The following PRDM2 variants were observed in gnomAD, a reference collection of about 807,000 sequenced individuals.
PRDM2 encodes PR/SET domain 2.
Under a neutral mutation model 130.0 loss-of-function variants are expected in PRDM2, and 30 were observed. That is an observed-to-expected ratio of 0.23 (90% confidence interval 0.17 to 0.31). The LOEUF is 0.31. Among genes scored for constraint, PRDM2 ranks in the 10% least tolerant of loss-of-function variants. The pLI is 1.00. For synonymous variants in PRDM2, 871 were observed against 782.4 expected, an observed-to-expected ratio of 1.11 and a Z score of -1.89; for missense variants, 2,011 against 2,108.4, an observed-to-expected ratio of 0.95 and a Z score of 0.90.
Position 13,759,566 on chromosome 1 carries a change from TC to T in PRDM2, c.511+10080del, listed in dbSNP as rs756283016. Among the ~76,000 whole-genome samples the T allele has an allele frequency of 2.2e-3, 336 of 152,316 alleles. 1 individual carries two copies. Among genetic ancestry groups the T allele is most frequent in the Non-Finnish European group, 2.6e-3 (179 of 68,028 alleles). On this transcript the variant is annotated intron_variant, in intron 6 of 9. Transcript: ENST00000311066. Reference sequence around the variant, plus strand: ...GAGATTACTGGCCATAAGCAGAATGTCTAAGGGCCTGTGAGAAATGAGAGTT... The same window carrying T: ...GAGATTACTGGCCATAAGCAGAATGTTAAGGGCCTGTGAGAAATGAGAGTT...
intron 1 of PRDM2, among the ~76,000 whole-genome samples, chr1:13,714,318 T>C (rs1199083508): frequency 6.6e-6 from 1 of 152,006 alleles, no homozygotes; most frequent in Non-Finnish European, 1.5e-5. Context: ...GACTTCATGG[T>C]TTAACTTGCA....
Position 13,742,033 on chromosome 1 carries a change from G to A in PRDM2, c.260G>A (p.Cys87Tyr). 1.3e-6 allele frequency: 2 copies of A among 1,586,812 alleles called. No individual in the cohort carries two copies. Among genetic ancestry groups the A allele is most frequent in the Non-Finnish European group, 1.7e-6 (2 of 1,155,226 alleles). ...TATTACCCAAATTTGGGATGGATGTGCATTGATGCCACTGATCCAGAGAAG... is the reference window on the plus strand; with the variant it reads ...TATTACCCAAATTTGGGATGGATGTACATTGATGCCACTGATCCAGAGAAG... Reference protein sequence around the residue: ...EVYYPNLGWMCIDATDPEKGN... With the variant: ...EVYYPNLGWMYIDATDPEKGN... The change falls in exon 5 of 10, where the codon TGC becomes TAC. Residue 87 changes from cysteine (C) to tyrosine (Y), a missense_variant. Cys to Tyr is a radical substitution (Grantham distance 194). Transcript: ENST00000311066.
At chr1:13,801,065 C>T (rs1239881791) in intron 8 of PRDM2, among the ~76,000 whole-genome samples, 6 of 152,228 alleles carry the variant, frequency 3.9e-5, no homozygotes, top group Admixed American at 1.3e-4. Context: ...AAAGCCTCCA[C>T]GTACCTAGTG....
intron 2 of PRDM2, among the ~76,000 whole-genome samples, chr1:13,728,261 C>G (rs1361563752): frequency 1.3e-5 from 2 of 152,200 alleles, no homozygotes. Context: ...ATAAGATAGA[C>G]ACCATCTGTC....
chr1:13,748,098 G>A (rs1170885707), intron 5 of PRDM2, among the ~76,000 whole-genome samples: 1 of 152,192 alleles, frequency 6.6e-6, no homozygotes, highest in Non-Finnish European at 1.5e-5. Context: ...TAGATTCGAC[G>A]TATGCATTTT....
In PRDM2 at chr1:13,803,059, T is replaced by C. The variant is rs1645033302; in HGVS notation, c.5037-13368T>C. On this transcript the variant is annotated intron_variant, in intron 8 of 9. Coordinates refer to ENST00000311066, the MANE Select transcript of PRDM2 (RefSeq NM_001393986.1). The surrounding 1 kb of genome is among the most constrained non-coding windows in gnomAD (Gnocchi z 6.2). ...GACGGTGTTTCCAGCCGAGGTGACA[T>C]TCTCCAGACTTGAACCCCTGTGCTG... is the stretch of plus-strand genomic sequence containing the variant. Among the ~76,000 whole-genome samples the C allele has an allele frequency of 6.6e-6, 1 of 152,162 alleles. No individual in the cohort carries two copies. Among genetic ancestry groups the C allele is most frequent in the Non-Finnish European group, 1.5e-5 (1 of 68,026 alleles).
chr1:13,780,631 C>A lies in PRDM2; in HGVS notation c.2836C>A (p.Pro946Thr). ...PTVESTPDVC[P>T]SSPALQTPSL... Reference sequence around the variant, plus strand: ...TGTTGAGTCCACACCTGATGTTTGTCCTTCATCACCTGCCCTGCAGACACC... The same window carrying A: ...TGTTGAGTCCACACCTGATGTTTGTACTTCATCACCTGCCCTGCAGACACC... The change falls in exon 8 of 10, where the codon CCT becomes ACT. Residue 946 changes from proline (P) to threonine (T), a missense_variant. This residue lies in a region of PRDM2 where 1,288 missense variants were observed against 1,237.7 expected (regional missense o/e 1.04). Coordinates refer to ENST00000311066, the MANE Select transcript of PRDM2 (RefSeq NM_001393986.1). 1 of 1,613,772 alleles carries A rather than the reference C, an allele frequency of 6.2e-7. No individual in the cohort carries two copies.
intron 9 of PRDM2, among the ~76,000 whole-genome samples, chr1:13,821,939 C>T (rs1406982993): frequency 6.6e-5 from 10 of 152,342 alleles, no homozygotes; most frequent in East Asian, 5.8e-4. Context: ...CTCTGCTGCT[C>T]ATCATCTGCA....
chr1:13,774,724 C>T (rs1014178122), intron 7 of PRDM2, among the ~76,000 whole-genome samples: 2 of 152,106 alleles, frequency 1.3e-5, no homozygotes. Flanking sequence ...CGCCTGTAAT[C>T]CCAGCACTTT....
intron 1 of PRDM2, among the ~76,000 whole-genome samples, chr1:13,712,505 C>A (rs1298267329): frequency 6.6e-6 from 1 of 152,170 alleles, no homozygotes; most frequent in Non-Finnish European, 1.5e-5. Flanking sequence ...GACTGACTTT[C>A]TTTCTTTCAT....
chr1:13,779,144 G>A lies in PRDM2; in HGVS notation c.1349G>A (p.Ser450Asn), dbSNP rs17350795. 0.023 allele frequency: 36,773 copies of A among 1,614,186 alleles called. 986 individuals carry two copies. The highest frequency in any genetic ancestry group is 0.12 in the South Asian group (11,056 of 91,074). Residue 450 changes from serine to asparagine, a missense_variant, in exon 8 of 10, where the codon AGT (serine) becomes AAT (asparagine). Physicochemically the swap from Ser to Asn is conservative, Grantham distance 46. Coordinates refer to ENST00000311066, the MANE Select transcript of PRDM2 (RefSeq NM_001393986.1). The surrounding 1 kb of genome is among the most constrained non-coding windows in gnomAD (Gnocchi z 4.9). ...TCAAAAGATGATTCGAGTCCTCCCAGTCTTGGGCCAGACTGTCTGATCATG... is the reference window on the plus strand; with the variant it reads ...TCAAAAGATGATTCGAGTCCTCCCAATCTTGGGCCAGACTGTCTGATCATG... ...VASKDDSSPP[S>N]LGPDCLIMNS...
chr1:13,738,291 A>C (rs1289817504), intron 4 of PRDM2, among the ~76,000 whole-genome samples: 1 of 152,212 alleles, frequency 6.6e-6, no homozygotes, highest in East Asian at 1.9e-4. Context: ...GAAAGTACAC[A>C]AATGCACATA....
chr1:13,815,143 G>A (rs1465151175), intron 8 of PRDM2, among the ~76,000 whole-genome samples: 1 of 152,126 alleles, frequency 6.6e-6, no homozygotes, highest in Non-Finnish European at 1.5e-5. Context: ...GTCTTGCTCT[G>A]TTGCCCAGGC....
At chr1:13,718,543 G>C (rs771477154) in intron 2 of PRDM2, among the ~76,000 whole-genome samples, 2 of 152,108 alleles carry the variant, frequency 1.3e-5, no homozygotes, top group Non-Finnish European at 2.9e-5. Context: ...CTCCCTCTGA[G>C]CCCAGCTCTC....
At chr1:13,814,818 C>A (rs1036180599) in intron 8 of PRDM2, among the ~76,000 whole-genome samples, 3 of 152,176 alleles carry the variant, frequency 2.0e-5, no homozygotes, top group Non-Finnish European at 2.9e-5. Flanking sequence ...GGGTTCCGGG[C>A]GTGTTTGTCC....
chr1:13,795,505 CT>C, intron 8 of PRDM2, among the ~76,000 whole-genome samples: 1 of 152,342 alleles, frequency 6.6e-6, no homozygotes, highest in East Asian at 1.9e-4. Context: ...AAGGGAGCCC[CT>C]GGTCACGCCC....
chr1:13,740,278 A>T (rs1215307127), intron 4 of PRDM2, among the ~76,000 whole-genome samples: 1 of 152,184 alleles, frequency 6.6e-6, no homozygotes, highest in Non-Finnish European at 1.5e-5. Context: ...CTTGGCAACT[A>T]TCTCTGTGTT....
chr1:13,813,069 C>A (rs1248275332), intron 8 of PRDM2, among the ~76,000 whole-genome samples: 1 of 152,192 alleles, frequency 6.6e-6, no homozygotes. Flanking sequence ...TATGAGTCCA[C>A]CAACCGCAAC....
At chr1:13,711,216 A>C (rs1372881369) in intron 1 of PRDM2, among the ~76,000 whole-genome samples, 4 of 152,154 alleles carry the variant, frequency 2.6e-5, no homozygotes, top group Non-Finnish European at 5.9e-5. Flanking sequence ...CTTGGCCTGG[A>C]GATACCATGT....
Sources: allele counts gnomAD v4.1 joint callset (sites outside exome capture counted in the v4.1 genomes callset), GRCh38; gene constraint gnomAD v4.1.1; regional missense constraint gnomAD v4.1.1; non-coding constraint Gnocchi (gnomAD v3.1); transcripts MANE v1.5; gene names NCBI Gene and HGNC (gene_info 2026-07-23, HGNC 2026-07-21).